Variants in NOL4L observed in about 807,000 individuals in gnomAD.
NOL4L encodes the protein nucleolar protein 4 like, also known as nucleolar protein 4-like.
Under a neutral mutation model 64.5 loss-of-function variants are expected in NOL4L, and 7 were observed. That is an observed-to-expected ratio of 0.11 (90% CI 0.06 to 0.20). NOL4L has a LOEUF of 0.20. NOL4L is among the 10% of genes least tolerant of loss of function. NOL4L has a pLI of 1.00. For synonymous variants in NOL4L, 413 were observed against 401.0 expected (o/e 1.03, Z -0.36); for missense variants, 680 against 967.1 (o/e 0.70, Z 3.94).
At chr20:32,456,748 G>A (rs1340581550) in intron 5 of NOL4L, among the ~76,000 whole-genome samples, 1 of 152,194 alleles carries the variant, frequency 6.6e-6, no homozygotes, top group African/African-American at 2.4e-5. Context: ...GGAGGCCCTC[G>A]AAGCCCGGCC....
chr20:32,484,578 G>A (rs1054072212), intron 4 of NOL4L, among the ~76,000 whole-genome samples: 1 of 150,888 alleles, frequency 6.6e-6, no homozygotes, highest in Non-Finnish European at 1.5e-5. Flanking sequence ...CCCGCCGCCC[G>A]CGTGCCCGCC....
At chr20:32,462,383 C>T (rs1368446662) in intron 5 of NOL4L, among the ~76,000 whole-genome samples, 1 of 152,168 alleles carries the variant, frequency 6.6e-6, no homozygotes, top group Non-Finnish European at 1.5e-5. Flanking sequence ...GGGGACCTCA[C>T]CATGACGCCC....
intron 1 of NOL4L, among the ~76,000 whole-genome samples, chr20:32,528,805 A>T (rs909826547): frequency 3.9e-5 from 6 of 152,244 alleles, no homozygotes; most frequent in African/African-American, 1.4e-4. Context: ...CAGAGACACT[A>T]GGCTGTCAGC....
At chr20:32,476,378 G>C (rs2015402067) in intron 4 of NOL4L, among the ~76,000 whole-genome samples, 1 of 152,210 alleles carries the variant, frequency 6.6e-6, no homozygotes. Flanking sequence ...AAGGCTGCAA[G>C]GTGCAGCCGG....
rs546810881 is a variant in NOL4L, at chr20:32,475,212, C to T, written c.700-470G>A. The T allele has an allele frequency of 1.3e-5, 13 of 985,478 alleles. No homozygotes were observed. In the African/African-American group the frequency reaches 2.1e-4, roughly 16 times the overall value. The allele number at this position is 985,478 out of a possible 1,614,324, so 61.0% of individuals were successfully genotyped here. ...CCCCAGCAGGCCTGGCGCCCTGACTCCCATGAAGCATGCATGGAATTCCTT... is the reference window on the plus strand; with the variant it reads ...CCCCAGCAGGCCTGGCGCCCTGACTTCCATGAAGCATGCATGGAATTCCTT... On this transcript the variant is annotated intron_variant, in intron 4 of 10. Transcript: ENST00000621426.
intron 3 of NOL4L, among the ~76,000 whole-genome samples, chr20:32,514,921 C>T (rs940293558): frequency 2.0e-5 from 3 of 152,090 alleles, no homozygotes; most frequent in Non-Finnish European, 4.4e-5. Flanking sequence ...GGGCGCCCAG[C>T]ACTCTCGCGG....
At chr20:32,487,565 AG>A (rs2016144196) in intron 4 of NOL4L, among the ~76,000 whole-genome samples, 1 of 151,340 alleles carries the variant, frequency 6.6e-6, no homozygotes, top group South Asian at 2.1e-4. Context: ...ATGAAAGGAA[AG>A]GTGACCAGAG....
chr20:32,552,412 C>T (rs933771401), intron 1 of NOL4L, among the ~76,000 whole-genome samples: 44 of 151,902 alleles, frequency 2.9e-4, no homozygotes, highest in Non-Finnish European at 5.9e-4. Context: ...TCTGGCAGTG[C>T]GCGGTAGCTC....
chr20:32,446,846 C>CG lies in NOL4L; in HGVS notation c.*749dup. The CG allele has an allele frequency of 4.5e-6, 1 of 222,338 alleles. No homozygotes were observed. The highest frequency in any genetic ancestry group is 5.3e-5 in the South Asian group (1 of 18,740). 13.8% of individuals were successfully genotyped at this position (222,338 alleles called of 1,614,324 possible). On this transcript the variant is annotated 3_prime_UTR_variant, in exon 11 of 11. Coordinates refer to ENST00000621426, the MANE Select transcript of NOL4L (RefSeq NM_001256798.2). ...GACTGGGGCTTCTGTAGAATGGGGT[C>CG]GGGGTGCCTCTTTTGTTTTGCTTTG...
chr20:32,527,452 G>A (rs993669888), intron 2 of NOL4L, among the ~76,000 whole-genome samples: 6 of 152,128 alleles, frequency 3.9e-5, no homozygotes, highest in Non-Finnish European at 5.9e-5. Flanking sequence ...GGGTGGTGTC[G>A]GGTGGGAGCA....
chr20:32,571,186 T>C (rs796535654), intron 1 of NOL4L, among the ~76,000 whole-genome samples: 1 of 152,088 alleles, frequency 6.6e-6, no homozygotes, highest in Non-Finnish European at 1.5e-5. Flanking sequence ...GTGGGGGTTT[T>C]TTTGTTTGTT....
chr20:32,578,807 T>C (rs62208046), intron 1 of NOL4L, among the ~76,000 whole-genome samples: 2,188 of 152,302 alleles, frequency 0.014, 17 homozygotes, highest in Middle Eastern at 0.02. Context: ...TAGGACCCCA[T>C]AGGCCCTGGC....
At chr20:32,547,154 T>G (rs370626239) in intron 1 of NOL4L, among the ~76,000 whole-genome samples, 6 of 152,134 alleles carry the variant, frequency 3.9e-5, no homozygotes, top group African/African-American at 1.4e-4. Context: ...GACTCTTCAC[T>G]CCAGCCCCAG....
chr20:32,462,033 A>G (rs1568610443), intron 5 of NOL4L, among the ~76,000 whole-genome samples: 1 of 151,992 alleles, frequency 6.6e-6, no homozygotes, highest in Non-Finnish European at 1.5e-5. Context: ...AGCAACTGGT[A>G]ATAGCGTGTG....
intron 4 of NOL4L, among the ~76,000 whole-genome samples, chr20:32,483,780 A>C (rs2145500737): frequency 8.0e-6 from 1 of 125,000 alleles, no homozygotes; most frequent in African/African-American, 3.1e-5. Context: ...AGAGAGGAAA[A>C]GGAGGCACCC....
chr20:32,457,723 C>A (rs900302499), intron 5 of NOL4L, among the ~76,000 whole-genome samples: 1 of 152,156 alleles, frequency 6.6e-6, no homozygotes, highest in Non-Finnish European at 1.5e-5. Flanking sequence ...GTCCTGTCCT[C>A]CTTCGGGCAG....
chr20:32,564,496 A>G lies in NOL4L; in HGVS notation c.321+20074T>C, dbSNP rs375749836. Among the ~76,000 whole-genome samples the G allele has an allele frequency of 4.9e-4, 75 of 152,302 alleles. 1 individual carries two copies. The South Asian group carries it at 0.013, about 27-fold the overall frequency. ...CAGCCCATCTCGCTGCTGAGCTTGTACTATTCTATGATCTAAATTGAGACT... is the reference window on the plus strand; with the variant it reads ...CAGCCCATCTCGCTGCTGAGCTTGTGCTATTCTATGATCTAAATTGAGACT... On this transcript the variant is annotated intron_variant, in intron 1 of 10. Coordinates refer to ENST00000621426, the MANE Select transcript of NOL4L (RefSeq NM_001256798.2).
intron 1 of NOL4L, among the ~76,000 whole-genome samples, chr20:32,558,790 G>T (rs1978820597): frequency 6.6e-6 from 1 of 152,190 alleles, no homozygotes; most frequent in African/African-American, 2.4e-5. Flanking sequence ...AGCCCCTGAA[G>T]GGTTTTAGGC....
intron 1 of NOL4L, among the ~76,000 whole-genome samples, chr20:32,578,661 T>G (rs1263456105): frequency 6.6e-6 from 1 of 152,218 alleles, no homozygotes; most frequent in East Asian, 1.9e-4. Context: ...GCCACCATCC[T>G]CAAATGACAG....
Sources: allele counts gnomAD v4.1 joint callset (sites outside exome capture counted in the v4.1 genomes callset), GRCh38; gene constraint gnomAD v4.1.1; transcripts MANE v1.5; gene names NCBI Gene and HGNC (gene_info 2026-07-23, HGNC 2026-07-21).